Variants in HECTD4 observed in about 807,000 individuals in gnomAD.
The protein encoded by HECTD4 is probable E3 ubiquitin-protein ligase HECTD4.
In HECTD4, 114 loss-of-function variants were observed where a neutral mutation model predicts 471.5. The observed-to-expected ratio is 0.24, with a 90% CI of 0.21 to 0.28. The LOEUF (loss-of-function observed/expected upper bound fraction) is 0.28. Ranked by LOEUF, HECTD4 falls within the 10% of genes least tolerant of loss-of-function variation. HECTD4 has a pLI of 1.00. For synonymous variants in HECTD4, 2,012 were observed against 2,256.0 expected (o/e 0.89, Z 3.07); for missense variants, 3,866 against 5,651.5 (o/e 0.68, Z 10.13).
chr12:112,239,090 A>C lies in HECTD4; in HGVS notation c.5252T>G (p.Val1751Gly). 1.2e-6 allele frequency: 2 copies of C among 1,613,502 alleles called. No individual in the cohort carries two copies. The highest frequency in any genetic ancestry group is 1.7e-6 in the Non-Finnish European group (2 of 1,179,654). Reference protein sequence around the residue: ...VATMAWAAFQVLANRCVEWEK... With the variant: ...VATMAWAAFQGLANRCVEWEK... ...CCACTCAACACAGCGGTTGGCAAGC[A>C]CCTGGAAGGCAGCCCAGGCCATGGT... is the stretch of plus-strand genomic sequence containing the variant. Residue 1751 changes from valine (V) to glycine (G), a missense_variant, in exon 34 of 76, where the codon GTG becomes GGG. Physicochemically the swap from Val to Gly is moderately radical, Grantham distance 109. Around this residue, in one of 16 missense-constraint regions of HECTD4, gnomAD observed 229 missense variants for 386.4 expected, o/e 0.59. Coordinates refer to ENST00000682272, the MANE Select transcript of HECTD4 (RefSeq NM_001388303.1). The surrounding 1 kb of genome is among the most constrained non-coding windows in gnomAD (Gnocchi z 4.9).
intron 14 of HECTD4, 70 bp from the exon 15 acceptor site, chr12:112,266,053 A>C: frequency 8.9e-7 from 1 of 1,125,332 alleles, no homozygotes; most frequent in Non-Finnish European, 1.3e-6. Flanking sequence ...ATTTTTAAAA[A>C]GTTTTTAAAC....
At chr12:112,230,628 T>C in intron 40 of HECTD4, 59 bp downstream of exon 40, 13 of 1,528,262 alleles carry the variant, frequency 8.5e-6, no homozygotes, top group Non-Finnish European at 1.1e-5. Context: ...CTGGGTATGA[T>C]TCTAATTCTA....
chr12:112,237,918 C>T (rs1296990333), intron 34 of HECTD4, among the ~76,000 whole-genome samples: 1 of 152,020 alleles, frequency 6.6e-6, no homozygotes, highest in Non-Finnish European at 1.5e-5. Flanking sequence ...CCATGCCCGG[C>T]TAATTTTGTA....
chr12:112,382,260 C>T lies in HECTD4; in HGVS notation c.-132G>A, dbSNP rs2036909833. 1 of 729,272 alleles carries T rather than the reference C, an allele frequency of 1.4e-6. No homozygotes were observed. The highest frequency in any genetic ancestry group is 1.9e-6 in the Non-Finnish European group (1 of 540,274). 45.2% of individuals were successfully genotyped at this position (729,272 alleles called of 1,614,324 possible). A position where few individuals can be genotyped will look rare whatever the true frequency, so the allele number is the denominator to read the frequency against. On this transcript the variant is annotated 5_prime_UTR_variant, in exon 1 of 76. Transcript: ENST00000682272. ...GCGGCGCCCCACTTGCTGCCTCGCC[C>T]GTGCAACTCCGCCCTAGGCGGTCCG...
At chr12:112,244,121 A>G (rs2033703852) in intron 29 of HECTD4, 112 bp from the exon 30 acceptor site, 2 of 1,089,010 alleles carry the variant, frequency 1.8e-6, no homozygotes, top group Non-Finnish European at 2.6e-6. Context: ...ATCACAGTTC[A>G]GCCACCAATC....
chr12:112,208,337 A>G (rs1336943069), intron 51 of HECTD4, among the ~76,000 whole-genome samples, 157 bp downstream of exon 51: 1 of 152,230 alleles, frequency 6.6e-6, no homozygotes, highest in Admixed American at 6.5e-5. Context: ...AGAAAAATTA[A>G]CACTCTAAGG....
At chr12:112,176,775 T>C (rs1209774826) in intron 64 of HECTD4, 73 bp from the exon 65 acceptor site, 14 of 1,144,146 alleles carry the variant, frequency 1.2e-5, no homozygotes, top group South Asian at 2.5e-5. Flanking sequence ...CACAGCCTCA[T>C]AGTCATTCAT....
chr12:112,169,426 G>C (rs2031123731), intron 70 of HECTD4, 77 bp downstream of exon 70: 2 of 1,434,518 alleles, frequency 1.4e-6, no homozygotes, highest in Middle Eastern at 1.8e-4. Flanking sequence ...TGGAAATGGA[G>C]GTCTTGGGCA....
At chr12:112,180,953 A>G (rs1455638655) in intron 62 of HECTD4, among the ~76,000 whole-genome samples, 2 of 151,550 alleles carry the variant, frequency 1.3e-5, no homozygotes, top group Non-Finnish European at 2.9e-5. Context: ...ATTATTTAGT[A>G]GCACTTGTCA....
At chr12:112,178,081 T>TC (rs1474743162) in intron 64 of HECTD4, among the ~76,000 whole-genome samples, 1 of 152,116 alleles carries the variant, frequency 6.6e-6, no homozygotes, top group Non-Finnish European at 1.5e-5. Context: ...ATTTTCTTTT[T>TC]CTTTTTTTTG....
At position 112,162,897 on chromosome 12, in the gene HECTD4, G is replaced by A; in HGVS notation, c.13120+145C>T. ...GGCCTGTATGGCTGGTTCCTGCCGGGCCCTAATCCTCAATGATGTCTGAGT... is the reference window on the plus strand; with the variant it reads ...GGCCTGTATGGCTGGTTCCTGCCGGACCCTAATCCTCAATGATGTCTGAGT... On this transcript the variant is annotated intron_variant, in intron 75 of 75. Transcript: ENST00000682272. The surrounding 1 kb of genome is among the most constrained non-coding windows in gnomAD (Gnocchi z 5.2). 1.5e-6 allele frequency: 1 copy of A among 671,732 alleles called. No homozygotes were observed. Among genetic ancestry groups the A allele is most frequent in the South Asian group, 1.9e-5 (1 of 52,350 alleles). The allele number at this position is 671,732 out of a possible 1,614,324, so 41.6% of individuals were successfully genotyped here.
At chr12:112,226,391 T>C (rs1192287890) in intron 44 of HECTD4, 1 of 338,992 alleles carries the variant, frequency 2.9e-6, no homozygotes, top group African/African-American at 2.1e-5. Flanking sequence ...TCAATAGGAA[T>C]GAAGAAAAGA....
At chr12:112,343,353 T>C (rs1374171046) in intron 1 of HECTD4, among the ~76,000 whole-genome samples, 2 of 152,236 alleles carry the variant, frequency 1.3e-5, no homozygotes, top group Non-Finnish European at 2.9e-5. Context: ...AAACAGCAGG[T>C]TCCAAATGCA....
In HECTD4 at chr12:112,259,132, G is replaced by A. The variant is rs760028624; in HGVS notation, c.3007C>T (p.Leu1003=). 5 of 1,613,408 alleles carry A rather than the reference G, an allele frequency of 3.1e-6. No homozygotes were observed. Among genetic ancestry groups the A allele is most frequent in the Non-Finnish European group, 4.2e-6 (5 of 1,179,754 alleles). The change falls in exon 19 of 76, where the codon CTG becomes TTG. Residue 1003 remains leucine, a synonymous_variant. Coordinates refer to ENST00000682272, the MANE Select transcript of HECTD4 (RefSeq NM_001388303.1). ...ADALMPQLVQ[L]VLYTSQTALL... ...CATACCTGGCTGGTATAGAGTACCA[G>A]CTGCACTAGCTGAGGCATCAGGGCA... is the stretch of plus-strand genomic sequence containing the variant.
intron 1 of HECTD4, among the ~76,000 whole-genome samples, chr12:112,360,506 A>C (rs1290812274): frequency 6.6e-6 from 1 of 152,216 alleles, no homozygotes; most frequent in Non-Finnish European, 1.5e-5. Flanking sequence ...CCTTGATCTT[A>C]TATCTCTAAC....
At chr12:112,200,917 TCA>T in intron 54 of HECTD4, 119 bp from the exon 55 acceptor site, 1 of 842,144 alleles carries the variant, frequency 1.2e-6, no homozygotes, top group Non-Finnish European at 1.8e-6. Context: ...GTGTGTATTT[TCA>T]GTCCAGGCTT....
intron 59 of HECTD4, 60 bp from the exon 60 acceptor site, chr12:112,191,025 C>A: frequency 7.1e-7 from 1 of 1,406,326 alleles, no homozygotes; most frequent in Admixed American, 2.3e-5. Flanking sequence ...AAATAAGCCT[C>A]ACAAAAGGTC....
intron 62 of HECTD4, among the ~76,000 whole-genome samples, chr12:112,180,640 T>G (rs1194277632): frequency 6.6e-6 from 1 of 151,484 alleles, no homozygotes; most frequent in Non-Finnish European, 1.5e-5. Flanking sequence ...AGGTACCATA[T>G]GTGGAAAGTT....
chr12:112,209,985 G>A, intron 50 of HECTD4, 30 bp downstream of exon 50: 1 of 1,541,756 alleles, frequency 6.5e-7, no homozygotes, highest in African/African-American at 1.4e-5. Flanking sequence ...AGGAAGCCAT[G>A]GAGGCAGTAA....
Sources: gnomAD v4.1 joint callset for allele counts (sites outside exome capture counted in the v4.1 genomes callset) on GRCh38, gnomAD v4.1.1 for gene constraint, gnomAD v4.1.1 regional missense constraint, Gnocchi (gnomAD v3.1) non-coding constraint, MANE v1.5 for transcripts, NCBI Gene and HGNC (gene_info 2026-07-23, HGNC 2026-07-21) for gene names.